DENND3: variants seen among roughly 807,000 people sequenced by gnomAD.
The protein encoded by DENND3 is DENN domain containing 3, also known as DENN domain-containing protein 3.
In DENND3, 88 loss-of-function variants were observed where a neutral mutation model predicts 135.1. The observed-to-expected ratio is 0.65, with a 90% confidence interval of 0.55 to 0.78. DENND3 has a LOEUF of 0.78. Among genes scored for constraint, DENND3 ranks in the 30% least tolerant of loss-of-function variants. The pLI, the probability that DENND3 is intolerant of heterozygous loss-of-function variation, is 0.00. For synonymous variants in DENND3, 693 were observed against 712.3 expected, an observed-to-expected ratio of 0.97 and a Z score of 0.43; for missense variants, 1,392 against 1,688.4, an observed-to-expected ratio of 0.82 and a Z score of 3.08.
At position 141,136,643 on chromosome 8, in the gene DENND3, C is replaced by G. The variant is rs759710255; in HGVS notation, c.237C>G (p.Thr79=). The change falls in exon 2 of 23, where the codon ACC becomes ACG. Residue 79 remains threonine (T), a synonymous_variant. Transcript: ENST00000519811. ...AGANCGTLGK[T]RMRSLRKKRE... ...CCAACTGCGGCACTCTCGGTAAAAC[C>G]CGGATGCGCTCCTTGAGAAAGAAGA... 71 of 1,611,922 alleles carry G rather than the reference C, an allele frequency of 4.4e-5. No homozygotes were observed. The highest frequency in any genetic ancestry group is 6.0e-5 in the Non-Finnish European group (71 of 1,179,314).
In DENND3 at chr8:141,160,785, C is replaced by T. The variant is rs2289001; in HGVS notation, c.1350C>T (p.Phe450=). Residue 450 remains phenylalanine, a splice_region_variant and synonymous_variant, in exon 9 of 23, where the codon TTC becomes TTT. Transcript: ENST00000519811. ...CCCTGCAGCTGCTCGTGAGCATCTT[C>T]AGGTACGTGAGAGAACATTCCCAGT... is the stretch of plus-strand genomic sequence containing the variant. ...QTTLQLLVSI[F]RDVKNHLNYE... 512,401 of 1,607,108 alleles carry T rather than the reference C, an allele frequency of 0.32. 84,687 individuals are homozygous for T. The highest frequency in any genetic ancestry group is 0.46 in the South Asian group (41,893 of 90,892).
At chr8:141,132,376 G>T (rs1816231339) in intron 1 of DENND3, among the ~76,000 whole-genome samples, 2 of 151,806 alleles carry the variant, frequency 1.3e-5, no homozygotes, top group Non-Finnish European at 2.9e-5. Flanking sequence ...TTTTTGTGGG[G>T]GATGGAGTTT....
chr8:141,166,133 T>C lies in DENND3; in HGVS notation c.1554-57T>C, dbSNP rs2154613161. The C allele has an allele frequency of 6.4e-7, 1 of 1,551,722 alleles. No homozygotes were observed. Among genetic ancestry groups the C allele is most frequent in the South Asian group, 1.1e-5 (1 of 88,902 alleles). On this transcript the variant is annotated intron_variant, in intron 11 of 22. Transcript: ENST00000519811. The surrounding 1 kb of genome is among the most constrained non-coding windows in gnomAD (Gnocchi z 4.3). ...ACTGGGAAAAATGCTTAGTTTAGGCTTATTCTTCAATCATTATTGTGTCTA... is the reference window on the plus strand; with the variant it reads ...ACTGGGAAAAATGCTTAGTTTAGGCCTATTCTTCAATCATTATTGTGTCTA...
intron 19 of DENND3, among the ~76,000 whole-genome samples, chr8:141,189,557 C>T (rs1329871144): frequency 6.6e-6 from 1 of 152,226 alleles, no homozygotes; most frequent in Non-Finnish European, 1.5e-5. Flanking sequence ...GGGAGCAGCA[C>T]TGGACACGGG....
At position 141,192,619 on chromosome 8, in the gene DENND3, G is replaced by C; in HGVS notation, c.3592G>C (p.Glu1198Gln). The C allele has an allele frequency of 6.3e-7, 1 of 1,599,626 alleles. No homozygotes were observed. The highest frequency in any genetic ancestry group is 8.5e-7 in the Non-Finnish European group (1 of 1,170,540). ...LAQPPQRVPL[E>Q]DCSEINCMIR... ...CCAGCCCCCGCAGAGGGTGCCCCTC[G>C]AGGACTGCTCTGAGATCAACTGCAT... The change falls in exon 22 of 23, where the codon GAG (glutamate) becomes CAG (glutamine). Residue 1198 changes from glutamate to glutamine, a missense_variant. Physicochemically the swap from Glu to Gln is conservative, Grantham distance 29. Transcript: ENST00000519811.
At chr8:141,135,600 C>T (rs149177924) in intron 1 of DENND3, among the ~76,000 whole-genome samples, 152 of 152,308 alleles carry the variant, frequency 1.0e-3, no homozygotes, top group African/African-American at 2.5e-3. Flanking sequence ...CCTTCTTGCT[C>T]GCAGACTGCA....
rs1187556212 is a variant in DENND3 at position 141,141,624 on chromosome 8, G to A, written c.623+300G>A. ...ATGAAGCCACACTGTCGGAAGTAAG[G>A]TTGATGTTCAGGATTTTCATTTTGT... On this transcript the variant is annotated intron_variant, in intron 4 of 22. Coordinates refer to ENST00000519811, the MANE Select transcript of DENND3 (RefSeq NM_001352890.3). This position sits in a 1 kb window ranked among gnomAD's most constrained non-coding sequence, Gnocchi z 5.3. 1.1e-5 allele frequency: 4 copies of A among 351,314 alleles called. No homozygotes were observed. In the Admixed American group the frequency reaches 1.7e-4, roughly 15 times the overall value. The allele number at this position is 351,314 out of a possible 1,614,324, so 21.8% of individuals were successfully genotyped here. A position where few individuals can be genotyped will look rare whatever the true frequency, so the allele number is the denominator to read the frequency against.
chr8:141,147,072 C>T (rs1051861760), intron 5 of DENND3, among the ~76,000 whole-genome samples: 4 of 152,192 alleles, frequency 2.6e-5, no homozygotes, highest in South Asian at 2.1e-4. Context: ...TCTCGACGCA[C>T]CCGTGAGGAA....
intron 1 of DENND3, among the ~76,000 whole-genome samples, chr8:141,134,938 C>T (rs1415069331): frequency 6.6e-6 from 1 of 152,046 alleles, no homozygotes; most frequent in Non-Finnish European, 1.5e-5. Flanking sequence ...TCATGCCATT[C>T]TCCTGCCTCA....
intron 13 of DENND3, chr8:141,173,556 G>A (rs1445140808): frequency 6.6e-6 from 1 of 152,224 alleles, no homozygotes; most frequent in East Asian, 1.9e-4. Flanking sequence ...TCGTCTTTTA[G>A]TTGCTGCCGT....
chr8:141,171,878 ATGG>A (rs1821620356), intron 13 of DENND3, among the ~76,000 whole-genome samples: 2 of 146,728 alleles, frequency 1.4e-5, no homozygotes, highest in South Asian at 4.4e-4. Flanking sequence ...GTTGGTGTGC[ATGG>A]TGATGGGCAT....
intron 10 of DENND3, among the ~76,000 whole-genome samples, chr8:141,164,187 C>T (rs1027036434): frequency 1.3e-5 from 2 of 152,172 alleles, no homozygotes; most frequent in African/African-American, 2.4e-5. Context: ...TGCCTCGGAC[C>T]GAGCTGGGCT....
intron 13 of DENND3, among the ~76,000 whole-genome samples, chr8:141,172,573 A>C (rs1244427076): frequency 6.6e-6 from 1 of 152,184 alleles, no homozygotes. Flanking sequence ...TGAGCGGCGC[A>C]AGGGGCAGGA....
At chr8:141,192,911 G>T in intron 22 of DENND3, 1 of 1,467,220 alleles carries the variant, frequency 6.8e-7, no homozygotes, top group African/African-American at 1.4e-5. Context: ...TCAAATGACA[G>T]AACTTAATTT....
chr8:141,163,054 A>G (rs907047936), intron 9 of DENND3, among the ~76,000 whole-genome samples: 15 of 152,250 alleles, frequency 9.9e-5, no homozygotes, highest in African/African-American at 2.9e-4. Context: ...GTGGACCGCA[A>G]CTGACTTTTG....
intron 16 of DENND3, among the ~76,000 whole-genome samples, chr8:141,179,861 G>C (rs1029962325): frequency 6.6e-6 from 1 of 152,222 alleles, no homozygotes; most frequent in Non-Finnish European, 1.5e-5. Context: ...TGGAAGAGAA[G>C]CACTTAAGGG....
Position 141,149,969 on chromosome 8 carries a change from T to C in DENND3, c.736-865T>C, listed in dbSNP as rs557281421. Among the ~76,000 whole-genome samples the C allele has an allele frequency of 7.9e-5, 12 of 152,344 alleles. No individual in the cohort carries two copies. In the South Asian group the frequency reaches 1.7e-3, roughly 21 times the overall value. On this transcript the variant is annotated intron_variant, in intron 5 of 22. Transcript: ENST00000519811. ...GCCACGGGAGACCTTGTTTGTGACC[T>C]GTTTTCTCCCCCCGGCTCCCTGCTT...
chr8:141,167,980 T>C lies in DENND3; in HGVS notation c.1754-24T>C. 3 of 1,590,592 alleles carry C rather than the reference T, an allele frequency of 1.9e-6. No homozygotes were observed. Among genetic ancestry groups the C allele is most frequent in the Non-Finnish European group, 2.6e-6 (3 of 1,166,166 alleles). ...ATTTGGAAGGTCTGTGCTAATGGTC[T>C]CCTTTTCCCCCTGAATGTTTTAGTT... On this transcript the variant is annotated intron_variant, in intron 12 of 22. Coordinates refer to ENST00000519811, the MANE Select transcript of DENND3 (RefSeq NM_001352890.3). This position sits in a 1 kb window ranked among gnomAD's most constrained non-coding sequence, Gnocchi z 4.1.
chr8:141,192,721 G>C (rs747947213), intron 22 of DENND3, 58 bp downstream of exon 22: 10 of 1,608,326 alleles, frequency 6.2e-6, no homozygotes, highest in Non-Finnish European at 8.5e-6. Context: ...TGCCCTGGCC[G>C]CATCCCCATG....
Sources: gnomAD v4.1 joint callset for allele counts (sites outside exome capture counted in the v4.1 genomes callset) on GRCh38, gnomAD v4.1.1 for gene constraint, Gnocchi (gnomAD v3.1) non-coding constraint, MANE v1.5 for transcripts, NCBI Gene and HGNC (gene_info 2026-07-23, HGNC 2026-07-21) for gene names.